SLFN5: variants seen among roughly 807,000 people sequenced by gnomAD.
SLFN5 encodes the protein schlafen family member 5.
SLFN5 carries 34 observed loss-of-function variants against 48.5 expected under a neutral mutation model. The observed-to-expected ratio is 0.70, with a 90% CI of 0.53 to 0.93. SLFN5 has a LOEUF of 0.93. Among genes scored for constraint, SLFN5 ranks in the 40% least tolerant of loss-of-function variants. The pLI is 0.00. For synonymous variants in SLFN5, 387 were observed against 396.2 expected (o/e 0.98, Z 0.28); for missense variants, 1,006 against 1,071.3 (o/e 0.94, Z 0.85).
Position 35,264,171 on chromosome 17 carries a change from T to G in SLFN5, c.1139-12T>G. ...GGCTTTTCTAATTTCTTCCCATCCT[T>G]TCCCTGTCTAGTATTTTCAGACAGA... On this transcript the variant is annotated splice_polypyrimidine_tract_variant and intron_variant, in intron 3 of 4. Transcript: ENST00000299977. 1 of 1,559,762 alleles carries G rather than the reference T, an allele frequency of 6.4e-7. No homozygotes were observed.
In SLFN5 at chr17:35,265,263, A is replaced by G. The variant is rs1355650020; in HGVS notation, c.2051A>G (p.Asp684Gly). The change falls in exon 5 of 5, where the codon GAC (aspartate) becomes GGC (glycine). Residue 684 changes from aspartate to glycine, a missense_variant. Coordinates refer to ENST00000299977, the MANE Select transcript of SLFN5 (RefSeq NM_144975.4). ...DGPGVLWIFL[D>G]YFQTYHLSCS... ...CCAGGAGTTCTCTGGATCTTTCTGG[A>G]CTACTTTCAGACCTATCACTTGAGT... The G allele has an allele frequency of 6.2e-7, 1 of 1,614,218 alleles. No individual in the cohort carries two copies.
chr17:35,259,168 G>C lies in SLFN5; in HGVS notation c.478G>C (p.Gly160Arg), dbSNP rs199778009. 58 of 1,614,076 alleles carry C rather than the reference G, an allele frequency of 3.6e-5. 1 individual carries two copies. In the East Asian group the frequency reaches 7.8e-4, roughly 22 times the overall value. The change falls in exon 2 of 5, where the codon GGT becomes CGT. Residue 160 changes from glycine (G) to arginine (R), a missense_variant. Coordinates refer to ENST00000299977, the MANE Select transcript of SLFN5 (RefSeq NM_144975.4). Reference protein sequence around the residue: ...SNSLGPQAAQGSVQYEGNINV... With the variant: ...SNSLGPQAAQRSVQYEGNINV... Reference sequence around the variant, plus strand: ...TTCATTAGGTCCACAGGCAGCTCAGGGTAGTGTACAATATGAAGGTAACAT... The same window carrying C: ...TTCATTAGGTCCACAGGCAGCTCAGCGTAGTGTACAATATGAAGGTAACAT...
chr17:35,254,948 C>T (rs954634417), intron 1 of SLFN5, among the ~76,000 whole-genome samples: 2 of 152,088 alleles, frequency 1.3e-5, no homozygotes, highest in Non-Finnish European at 2.9e-5. Context: ...ACCCAGGAGG[C>T]AGAGGTTGCA....
At chr17:35,257,043 A>G (rs548520467) in intron 1 of SLFN5, among the ~76,000 whole-genome samples, 1 of 150,566 alleles carries the variant, frequency 6.6e-6, no homozygotes, top group South Asian at 2.1e-4. Context: ...GAATCTAACT[A>G]ATGCCTGGTG....
At position 35,263,233 on chromosome 17, in the gene SLFN5, C is replaced by T. The variant is rs143385131; in HGVS notation, c.1139-950C>T. On this transcript the variant is annotated intron_variant, in intron 3 of 4. Coordinates refer to ENST00000299977, the MANE Select transcript of SLFN5 (RefSeq NM_144975.4). The stretch of plus-strand genomic sequence containing the variant: ...GCAACCTCCGCCTCCTGGGTTTAAG[C>T]GATTCTCGTGCCTCAGCCCCCCGAG... 2.6e-3 allele frequency among the ~76,000 whole-genome samples: 400 copies of T among 152,126 alleles called. 1 individual carries two copies. Among genetic ancestry groups the T allele is most frequent in the Middle Eastern group, 6.8e-3 (2 of 294 alleles).
rs892174640 is a variant in SLFN5 at position 35,268,350 on chromosome 17, G to T, written c.*2462G>T. 45 of 152,228 alleles carry T rather than the reference G, an allele frequency of 3.0e-4. No individual in the cohort carries two copies. Among genetic ancestry groups the T allele is most frequent in the African/African-American group, 1.1e-3 (45 of 41,432 alleles). The allele number at this position is 152,228 out of a possible 1,614,324, so 9.4% of individuals were successfully genotyped here. On this transcript the variant is annotated 3_prime_UTR_variant, in exon 5 of 5. Coordinates refer to ENST00000299977, the MANE Select transcript of SLFN5 (RefSeq NM_144975.4). The stretch of plus-strand genomic sequence containing the variant: ...TAGGCGAAAGACAATGGGGAAAAAT[G>T]TAGAAAAGAAATATGACATGAGCCA...
In SLFN5 at chr17:35,265,948, C is replaced by T; in HGVS notation, c.*60C>T. The stretch of plus-strand genomic sequence containing the variant: ...TCTCATCTCTAATTAACTGTGAAAC[C>T]ATTTAATCCAAACATGTAAGCACAC... On this transcript the variant is annotated 3_prime_UTR_variant, in exon 5 of 5. Transcript: ENST00000299977. 6.7e-7 allele frequency: 1 copy of T among 1,485,456 alleles called. No individual in the cohort carries two copies. The highest frequency in any genetic ancestry group is 1.3e-5 in the South Asian group (1 of 74,264). 92.0% of individuals were successfully genotyped at this position (1,485,456 alleles called of 1,614,324 possible).
intron 1 of SLFN5, among the ~76,000 whole-genome samples, chr17:35,253,739 C>A (rs573839521): frequency 5.9e-4 from 81 of 136,798 alleles, no homozygotes; most frequent in African/African-American, 2.0e-3. Context: ...ACTCTGTCAC[C>A]CAGGCTGGAG....
intron 1 of SLFN5, among the ~76,000 whole-genome samples, chr17:35,244,513 T>TG (rs2092426356): frequency 1.3e-5 from 2 of 152,152 alleles, no homozygotes; most frequent in East Asian, 1.9e-4. Flanking sequence ...CCTGCCTTTG[T>TG]GGGGGAAAAA....
At position 35,272,539 on chromosome 17, in the gene SLFN5, G is replaced by A. The variant is rs11080335; in HGVS notation, c.*6651G>A. Reference sequence around the variant, plus strand: ...ATCAGAAACCAGGAAGGAAAATATTGACTATTTTAAACAAAATTATCTCTG... The same window carrying A: ...ATCAGAAACCAGGAAGGAAAATATTAACTATTTTAAACAAAATTATCTCTG... On this transcript the variant is annotated 3_prime_UTR_variant, in exon 5 of 5. Coordinates refer to ENST00000299977, the MANE Select transcript of SLFN5 (RefSeq NM_144975.4). The A allele has an allele frequency of 0.23, 34,535 of 152,042 alleles. 4,364 individuals carry two copies. Among genetic ancestry groups the A allele is most frequent in the African/African-American group, 0.34 (14,197 of 41,448 alleles). 9.4% of individuals were successfully genotyped at this position (152,042 alleles called of 1,614,324 possible).
intron 1 of SLFN5, among the ~76,000 whole-genome samples, chr17:35,245,531 A>C (rs973663460): frequency 3.9e-5 from 6 of 152,266 alleles, no homozygotes; most frequent in African/African-American, 9.6e-5. Flanking sequence ...ATATACTATC[A>C]GAAAATAGAA....
chr17:35,250,743 T>C (rs2092440597), intron 1 of SLFN5, among the ~76,000 whole-genome samples: 1 of 152,094 alleles, frequency 6.6e-6, no homozygotes, highest in South Asian at 2.1e-4. Flanking sequence ...AATGATCTCC[T>C]ACTTTGTTCA....
At chr17:35,248,778 A>G (rs1262917877) in intron 1 of SLFN5, among the ~76,000 whole-genome samples, 1 of 152,192 alleles carries the variant, frequency 6.6e-6, no homozygotes, top group Non-Finnish European at 1.5e-5. Flanking sequence ...ACTAGCAAAA[A>G]TTCACAAAAG....
At chr17:35,251,347 C>T (rs2092441865) in intron 1 of SLFN5, among the ~76,000 whole-genome samples, 2 of 152,224 alleles carry the variant, frequency 1.3e-5, no homozygotes, top group Admixed American at 6.5e-5. Context: ...GCTCATTCCC[C>T]GCCTGACCTC....
chr17:35,260,941 A>G (rs377311933), intron 2 of SLFN5, 30 bp from the exon 3 acceptor site: 26 of 1,610,584 alleles, frequency 1.6e-5, no homozygotes, highest in African/African-American at 1.2e-4. Context: ...GCCTTTTTGC[A>G]TATTGAATCC....
intron 1 of SLFN5, among the ~76,000 whole-genome samples, chr17:35,251,720 T>C (rs2092442995): frequency 6.7e-6 from 1 of 148,266 alleles, no homozygotes; most frequent in Admixed American, 6.7e-5. Flanking sequence ...TTTTTTTTTT[T>C]TTTTTTTTTT....
intron 1 of SLFN5, among the ~76,000 whole-genome samples, chr17:35,244,144 CGG>C (rs1666715044): frequency 6.6e-6 from 1 of 152,026 alleles, no homozygotes; most frequent in South Asian, 2.1e-4. Context: ...GACAAAGAAA[CGG>C]TGCATCAGCA....
At chr17:35,252,724 G>C (rs2092445246) in intron 1 of SLFN5, among the ~76,000 whole-genome samples, 1 of 151,682 alleles carries the variant, frequency 6.6e-6, no homozygotes, top group African/African-American at 2.4e-5. Flanking sequence ...AAATGTTTTA[G>C]TTGTTTCAGA....
intron 3 of SLFN5, among the ~76,000 whole-genome samples, chr17:35,263,503 C>T (rs991255135): frequency 1.3e-5 from 2 of 152,218 alleles, no homozygotes; most frequent in African/African-American, 2.4e-5. Flanking sequence ...TCCTCTTCAA[C>T]TCACTAACTC....
Sources: allele counts gnomAD v4.1 joint callset (sites outside exome capture counted in the v4.1 genomes callset), GRCh38; gene constraint gnomAD v4.1.1; transcripts MANE v1.5; gene names NCBI Gene and HGNC (gene_info 2026-07-23, HGNC 2026-07-21).